The following EXOC3L2 variants were observed in gnomAD, a reference collection of about 807,000 sequenced individuals.
The protein encoded by EXOC3L2 is exocyst complex component 3 like 2.
Under a neutral mutation model 44.4 loss-of-function variants are expected in EXOC3L2, and 17 were observed. That is an observed-to-expected ratio of 0.38 (90% confidence interval 0.26 to 0.57). The LOEUF (loss-of-function observed/expected upper bound fraction) is 0.57. EXOC3L2 is among the 20% of genes least tolerant of loss of function. The pLI is 0.65. For missense variants in EXOC3L2, 541 were observed against 588.4 expected, an observed-to-expected ratio of 0.92 and a Z score of 0.83; for synonymous variants, 256 against 253.7, an observed-to-expected ratio of 1.01 and a Z score of -0.09.
intron 4 of EXOC3L2, among the ~76,000 whole-genome samples, chr19:45,230,984 G>A (rs1043421464): frequency 6.6e-6 from 1 of 151,976 alleles, no homozygotes; most frequent in Non-Finnish European, 1.5e-5. Flanking sequence ...AGCTACTCAG[G>A]AGGCTGAGGT....
intron 1 of EXOC3L2, among the ~76,000 whole-genome samples, chr19:45,240,662 G>A (rs1010435659): frequency 6.6e-6 from 1 of 152,166 alleles, no homozygotes; most frequent in Non-Finnish European, 1.5e-5. Flanking sequence ...TTGGGAGGTG[G>A]AGGCAGGCAG....
chr19:45,218,352 C>T lies in EXOC3L2; in HGVS notation c.1720-33G>A, dbSNP rs200386258. The T allele has an allele frequency of 9.0e-5, 140 of 1,549,898 alleles. No homozygotes were observed. In the East Asian group the frequency reaches 2.4e-3, roughly 26 times the overall value. On this transcript the variant is annotated intron_variant, in intron 8 of 11. Coordinates refer to ENST00000413988, the MANE Select transcript of EXOC3L2 (RefSeq NM_001382422.1). ...GGACAGAGTAGGGGGTCACGCTCTC[C>T]TCCCTCCCACCCTCCCTCTTCACTT...
intron 3 of EXOC3L2, among the ~76,000 whole-genome samples, chr19:45,233,430 T>G (rs1240811591): frequency 1.3e-5 from 2 of 152,174 alleles, no homozygotes; most frequent in East Asian, 1.9e-4. Flanking sequence ...CAGTGTAGGA[T>G]TCTAGAATTC....
At chr19:45,240,617 C>G (rs1410008249) in intron 1 of EXOC3L2, among the ~76,000 whole-genome samples, 2 of 152,136 alleles carry the variant, frequency 1.3e-5, no homozygotes, top group Non-Finnish European at 2.9e-5. Context: ...GGCTTAAGGC[C>G]AGGCGTGGTC....
chr19:45,213,316 C>T lies in EXOC3L2; in HGVS notation c.2162G>A (p.Arg721His), dbSNP rs759841252. The change falls in exon 12 of 12, where the codon CGC becomes CAC. Residue 721 changes from arginine (R) to histidine (H), a missense_variant. By Grantham distance (29) the Arg-to-His change is conservative (BLOSUM62 0). Transcript: ENST00000413988. ...VAALLDIRGL[R>H]NTAARQEILA... is the part of the protein sequence containing the mutation. Reference sequence around the variant, plus strand: ...GATCTCCTGGCGGGCGGCTGTGTTGCGCAGGCCACGGATGTCGAGGAGGGC... The same window carrying T: ...GATCTCCTGGCGGGCGGCTGTGTTGTGCAGGCCACGGATGTCGAGGAGGGC... 1.3e-5 allele frequency: 21 copies of T among 1,613,620 alleles called. No homozygotes were observed. In the Middle Eastern group the frequency reaches 4.9e-4, roughly 38 times the overall value.
chr19:45,212,509 T>G lies in EXOC3L2; in HGVS notation c.*560A>C, dbSNP rs529594229. 1 of 152,538 alleles carries G rather than the reference T, an allele frequency of 6.6e-6. No individual in the cohort carries two copies. The highest frequency in any genetic ancestry group is 1.9e-4 in the East Asian group (1 of 5,180). 9.4% of individuals were successfully genotyped at this position (152,538 alleles called of 1,614,324 possible). ...AGACTTCCAGAACGACACTCACCAC[T>G]CTGGGCTATGGCAGGAGGGGAGGTG... On this transcript the variant is annotated 3_prime_UTR_variant, in exon 12 of 12. Transcript: ENST00000413988.
Position 45,218,307 on chromosome 19 carries a change from T to C in EXOC3L2, c.1732A>G (p.Lys578Glu). The C allele has an allele frequency of 1.2e-6, 2 of 1,605,348 alleles. No individual in the cohort carries two copies. The highest frequency in any genetic ancestry group is 1.3e-5 in the African/African-American group (1 of 74,890). The stretch of plus-strand genomic sequence containing the variant: ...CTCAGCCACTTCCGGCGCATCAGCT[T>C]GTTGAAGTGTGGCTGGCAGGGACAG... ...LFQELQPHFN[K>E]LMRRKWLSSP... Residue 578 changes from lysine to glutamate, a missense_variant, in exon 9 of 12, where the codon AAG (lysine) becomes GAG (glutamate). Transcript: ENST00000413988.
In EXOC3L2 at chr19:45,238,207, CA is replaced by C. The variant is rs1292580656; in HGVS notation, c.523+315del. ...GAAAGAGAAGGGGGAGAGATGGGAC[CA>C]AAATCAGGTATTCCCTTGGCTTTAG... On this transcript the variant is annotated intron_variant, in intron 2 of 11. Coordinates refer to ENST00000413988, the MANE Select transcript of EXOC3L2 (RefSeq NM_001382422.1). This position sits in a 1 kb window ranked among gnomAD's most constrained non-coding sequence, Gnocchi z 5.5. Among the ~76,000 whole-genome samples the C allele has an allele frequency of 6.6e-6, 1 of 151,896 alleles. No individual in the cohort carries two copies. Among genetic ancestry groups the C allele is most frequent in the Non-Finnish European group, 1.5e-5 (1 of 67,970 alleles).
At chr19:45,217,402 G>T in intron 10 of EXOC3L2, 126 bp downstream of exon 10, 1 of 1,218,594 alleles carries the variant, frequency 8.2e-7, no homozygotes, top group Non-Finnish European at 1.1e-6. Flanking sequence ...CTATTGACCC[G>T]AAGTTGGGTG....
In EXOC3L2 at chr19:45,234,927, A is replaced by G; in HGVS notation, c.524-101T>C. 1 of 378,154 alleles carries G rather than the reference A, an allele frequency of 2.6e-6. No individual in the cohort carries two copies. Among genetic ancestry groups the G allele is most frequent in the South Asian group, 1.4e-4 (1 of 6,962 alleles). The allele number at this position is 378,154 out of a possible 1,614,324, so 23.4% of individuals were successfully genotyped here. A position where few individuals can be genotyped will look rare whatever the true frequency, so the allele number is the denominator to read the frequency against. On this transcript the variant is annotated intron_variant, in intron 2 of 11. Coordinates refer to ENST00000413988, the MANE Select transcript of EXOC3L2 (RefSeq NM_001382422.1). The surrounding 1 kb of genome is among the most constrained non-coding windows in gnomAD (Gnocchi z 5.0). ...TAGGAAGGGGAGAGAGATGAGGGGA[A>G]AAGGGTTACAGGAGGCGGGAAAGTG...
intron 7 of EXOC3L2, among the ~76,000 whole-genome samples, chr19:45,227,125 CT>C (rs57940972): frequency 0.083 from 11,822 of 141,924 alleles, 619 homozygotes; most frequent in African/African-American, 0.15. Context: ...ATCTGTCATT[CT>C]TTTTTTTTTG....
Position 45,238,763 on chromosome 19 carries a change from G to T in EXOC3L2, c.283C>A (p.Pro95Thr), listed in dbSNP as rs546795216. ...TCTGCTGAGCTCCTGCGTATCCCTG[G>T]TACCAGCACACGGCCCAAGAAAGAG... ...PRSFLGRVLV[P>T]GIRRSSADFG... Residue 95 changes from proline (P) to threonine (T), a missense_variant, in exon 2 of 12, where the codon CCA (proline) becomes ACA (threonine). Physicochemically the swap from Pro to Thr is conservative, Grantham distance 38 (BLOSUM62 -1). Coordinates refer to ENST00000413988, the MANE Select transcript of EXOC3L2 (RefSeq NM_001382422.1). This position sits in a 1 kb window ranked among gnomAD's most constrained non-coding sequence, Gnocchi z 5.5. 2.8e-5 allele frequency: 11 copies of T among 398,930 alleles called. No individual in the cohort carries two copies. In the South Asian group the frequency reaches 1.4e-3, roughly 51 times the overall value. 24.7% of individuals were successfully genotyped at this position (398,930 alleles called of 1,614,324 possible).
At chr19:45,222,502 A>G (rs1348141880) in intron 8 of EXOC3L2, among the ~76,000 whole-genome samples, 1 of 151,898 alleles carries the variant, frequency 6.6e-6, no homozygotes, top group Non-Finnish European at 1.5e-5. Flanking sequence ...CGCACAGTCT[A>G]TCTCTAGCTG....
At chr19:45,217,172 C>T (rs916318001) in intron 10 of EXOC3L2, among the ~76,000 whole-genome samples, 2 of 152,128 alleles carry the variant, frequency 1.3e-5, no homozygotes, top group Non-Finnish European at 1.5e-5. Context: ...CAGGCGTGAG[C>T]CACCACACCC....
chr19:45,214,684 C>T (rs1363723617), intron 11 of EXOC3L2, among the ~76,000 whole-genome samples: 1 of 151,632 alleles, frequency 6.6e-6, no homozygotes, highest in Non-Finnish European at 1.5e-5. Flanking sequence ...AGGCTGGTCT[C>T]GAACTCCTGA....
At position 45,238,486 on chromosome 19, in the gene EXOC3L2, G is replaced by T; in HGVS notation, c.523+37C>A. 2.5e-6 allele frequency: 1 copy of T among 399,518 alleles called. No homozygotes were observed. The highest frequency in any genetic ancestry group is 4.4e-6 in the Non-Finnish European group (1 of 226,194). 24.7% of individuals were successfully genotyped at this position (399,518 alleles called of 1,614,324 possible). On this transcript the variant is annotated intron_variant, in intron 2 of 11. Coordinates refer to ENST00000413988, the MANE Select transcript of EXOC3L2 (RefSeq NM_001382422.1). This position sits in a 1 kb window ranked among gnomAD's most constrained non-coding sequence, Gnocchi z 5.5. ...GGGCTGGGGATGGACATGGGCACTG[G>T]GATTCTCCCAGGACAGGGTCAGGGC...
chr19:45,226,117 C>T (rs1356913308), intron 7 of EXOC3L2, among the ~76,000 whole-genome samples: 1 of 152,142 alleles, frequency 6.6e-6, no homozygotes, highest in Non-Finnish European at 1.5e-5. Flanking sequence ...GATAGATGGA[C>T]AGTTGGTTCC....
chr19:45,232,477 A>G (rs1452188788), intron 3 of EXOC3L2, among the ~76,000 whole-genome samples: 2 of 152,158 alleles, frequency 1.3e-5, no homozygotes, highest in African/African-American at 4.8e-5. Flanking sequence ...AATGAGATCT[A>G]TGTGGTCAAT....
At chr19:45,221,891 C>T (rs141681064) in intron 8 of EXOC3L2, among the ~76,000 whole-genome samples, 1,784 of 151,464 alleles carry the variant, frequency 0.012, 19 homozygotes, top group South Asian at 0.027. Flanking sequence ...CTCAATCGAT[C>T]CTCCTGCCTC....
Sources: gnomAD v4.1 joint callset for allele counts (sites outside exome capture counted in the v4.1 genomes callset) on GRCh38, gnomAD v4.1.1 for gene constraint, Gnocchi (gnomAD v3.1) non-coding constraint, MANE v1.5 for transcripts, NCBI Gene and HGNC (gene_info 2026-07-23, HGNC 2026-07-21) for gene names.